ERN1: variants seen among roughly 807,000 people sequenced by gnomAD.
ERN1 encodes the protein serine/threonine-protein kinase/endoribonuclease IRE1.
A neutral mutation model predicts 113.1 loss-of-function variants in ERN1; 39 were observed. That is an observed-to-expected ratio of 0.34 (90% CI 0.27 to 0.45). The LOEUF (loss-of-function observed/expected upper bound fraction) is 0.45, where lower values mean the gene tolerates loss of function less well. ERN1 is among the 20% of genes least tolerant of loss of function. ERN1 has a pLI of 1.00. For missense variants in ERN1, 976 were observed against 1,274.8 expected (o/e 0.77, Z 3.57); for synonymous variants, 507 against 515.9 (o/e 0.98, Z 0.23).
intron 6 of ERN1, among the ~76,000 whole-genome samples, chr17:64,071,328 T>C (rs942371500): frequency 7.2e-5 from 11 of 152,116 alleles, no homozygotes; most frequent in African/African-American, 2.7e-4. Context: ...AAAACAGGCA[T>C]ACCTGGTGGA....
intron 17 of ERN1, among the ~76,000 whole-genome samples, chr17:64,050,366 C>T (rs1476041916): frequency 6.6e-6 from 1 of 152,196 alleles, no homozygotes; most frequent in Non-Finnish European, 1.5e-5. Context: ...ATCTTTCCTA[C>T]CTGCCTGGCC....
intron 1 of ERN1, among the ~76,000 whole-genome samples, chr17:64,110,496 T>C (rs1035999693): frequency 1.3e-5 from 2 of 152,214 alleles, no homozygotes; most frequent in Non-Finnish European, 2.9e-5. Flanking sequence ...ATGAAGACGA[T>C]GATAATGTAG....
chr17:64,126,162 C>A (rs1023320400), intron 1 of ERN1, among the ~76,000 whole-genome samples: 2 of 152,094 alleles, frequency 1.3e-5, no homozygotes, highest in African/African-American at 4.8e-5. Flanking sequence ...ATTTTTTAAG[C>A]CAGCATCACG....
intron 1 of ERN1, among the ~76,000 whole-genome samples, chr17:64,101,930 AT>A (rs1401436838): frequency 6.6e-6 from 1 of 152,160 alleles, no homozygotes; most frequent in African/African-American, 2.4e-5. Flanking sequence ...TTGTCTGAGC[AT>A]CTTGGAAGCC....
chr17:64,098,063 T>C, intron 2 of ERN1, 58 bp downstream of exon 2: 1 of 1,597,942 alleles, frequency 6.3e-7, no homozygotes, highest in Admixed American at 1.7e-5. Flanking sequence ...CCAGAATATG[T>C]TTCTGTGGAA....
rs1177457098 is a variant in ERN1, at chr17:64,041,562, A to AC, written c.*2425dup. 3 of 151,742 alleles carry AC rather than the reference A, an allele frequency of 2.0e-5. No homozygotes were observed. The highest frequency in any genetic ancestry group is 4.4e-5 in the Non-Finnish European group (3 of 67,976). The allele number at this position is 151,742 out of a possible 1,614,324, so 9.4% of individuals were successfully genotyped here. ...ACCCACACGAGATCTCTTCAAACAA[A>AC]CCCCCCAGAGGATGGACGGGAACCA... is the stretch of plus-strand genomic sequence containing the variant. On this transcript the variant is annotated 3_prime_UTR_variant, in exon 22 of 22. Transcript: ENST00000433197.
At chr17:64,128,184 T>G (rs1165145099) in intron 1 of ERN1, among the ~76,000 whole-genome samples, 2 of 138,760 alleles carry the variant, frequency 1.4e-5, no homozygotes, top group African/African-American at 2.8e-5. Context: ...TTTTTTTTTG[T>G]ATGTTTAGTA....
intron 1 of ERN1, among the ~76,000 whole-genome samples, chr17:64,114,604 C>A (rs528399372): frequency 2.2e-4 from 33 of 152,244 alleles, no homozygotes; most frequent in African/African-American, 6.5e-4. Flanking sequence ...CCCAGAATGG[C>A]GTGGGCCACA....
intron 2 of ERN1, among the ~76,000 whole-genome samples, chr17:64,090,391 C>G (rs866380155): frequency 6.6e-6 from 1 of 152,156 alleles, no homozygotes; most frequent in South Asian, 2.1e-4. Context: ...TCTACTTTGG[C>G]AGAAGTAACT....
intron 1 of ERN1, among the ~76,000 whole-genome samples, chr17:64,106,402 G>C (rs1171414610): frequency 1.3e-5 from 2 of 152,168 alleles, no homozygotes; most frequent in African/African-American, 2.4e-5. Flanking sequence ...AGGAATTAGA[G>C]CTTATAATTA....
chr17:64,097,909 G>T, intron 2 of ERN1: 1 of 551,352 alleles, frequency 1.8e-6, no homozygotes, highest in Non-Finnish European at 3.1e-6. Flanking sequence ...AAGATAAAAC[G>T]TGCTTCTTTA....
intron 4 of ERN1, among the ~76,000 whole-genome samples, chr17:64,078,743 G>A (rs1457814363): frequency 6.6e-6 from 1 of 152,138 alleles, no homozygotes; most frequent in Non-Finnish European, 1.5e-5. Flanking sequence ...GGTGGCTCAC[G>A]TCTGTAATCC....
intron 2 of ERN1, among the ~76,000 whole-genome samples, chr17:64,083,472 A>G (rs1301611340): frequency 2.0e-5 from 3 of 152,194 alleles, no homozygotes; most frequent in African/African-American, 7.2e-5. Context: ...CTGCTGTAAA[A>G]TAAGCCACTA....
chr17:64,077,300 C>CTGA (rs762342388), intron 4 of ERN1, among the ~76,000 whole-genome samples: 38 of 152,320 alleles, frequency 2.5e-4, no homozygotes, highest in Non-Finnish European at 5.3e-4. Context: ...AAACTTCCTA[C>CTGA]TGATGCATAA....
rs1447395310 is a variant in ERN1, at chr17:64,042,529, T to A, written c.*1459A>T. ...ATGGAATCTCTGAGTTCACCAGGCC[T>A]GAGCTGCAATGATCCCCCAACTGGC... On this transcript the variant is annotated 3_prime_UTR_variant, in exon 22 of 22. Transcript: ENST00000433197. 1 of 152,220 alleles carries A rather than the reference T, an allele frequency of 6.6e-6. No homozygotes were observed. Among genetic ancestry groups the A allele is most frequent in the Non-Finnish European group, 1.5e-5 (1 of 68,030 alleles). 9.4% of individuals were successfully genotyped at this position (152,220 alleles called of 1,614,324 possible).
At chr17:64,079,773 C>G in intron 3 of ERN1, 39 bp from the exon 4 acceptor site, 1 of 1,539,286 alleles carries the variant, frequency 6.5e-7, no homozygotes. Context: ...TAAATTACAG[C>G]CCAGGGCATG....
intron 19 of ERN1, among the ~76,000 whole-genome samples, chr17:64,046,092 T>A (rs966454989): frequency 6.6e-6 from 1 of 152,152 alleles, no homozygotes; most frequent in Non-Finnish European, 1.5e-5. Flanking sequence ...CCTCTTGAAG[T>A]CCCACCAGTA....
chr17:64,110,834 A>G (rs553154536), intron 1 of ERN1, among the ~76,000 whole-genome samples: 76 of 152,354 alleles, frequency 5.0e-4, no homozygotes, highest in African/African-American at 1.7e-3. Flanking sequence ...AGAGATTGGA[A>G]AGCACAAGAA....
In ERN1 at chr17:64,075,187, T is replaced by G. The variant is rs1326225864; in HGVS notation, c.343A>C (p.Ile115Leu). The change falls in exon 5 of 22, where the codon ATC becomes CTC. Residue 115 changes from isoleucine to leucine, a missense_variant. Coordinates refer to ENST00000433197, the MANE Select transcript of ERN1 (RefSeq NM_001433.5). ...CAGGAACTCTTACCCATGTAGAGGA[T>G]TCCATCTGAACTTCGGCATGGGGAT... The part of the protein sequence containing the change: ...QASPCRSSDG[I>L]LYMGKKQDIW... 1.3e-6 allele frequency: 2 copies of G among 1,541,552 alleles called. No individual in the cohort carries two copies. The highest frequency in any genetic ancestry group is 1.8e-6 in the Non-Finnish European group (2 of 1,142,684).
Sources: gnomAD v4.1 joint callset for allele counts (sites outside exome capture counted in the v4.1 genomes callset) on GRCh38, gnomAD v4.1.1 for gene constraint, MANE v1.5 for transcripts, NCBI Gene and HGNC (gene_info 2026-07-23, HGNC 2026-07-21) for gene names.